AFAP1L2: variants seen among roughly 807,000 people sequenced by gnomAD.
AFAP1L2 encodes actin filament associated protein 1 like 2, also known as actin filament-associated protein 1-like 2.
Under a neutral mutation model 99.3 loss-of-function variants are expected in AFAP1L2, and 46 were observed. The observed-to-expected ratio is 0.46, with a 90% CI of 0.37 to 0.59. The LOEUF is 0.59. Among genes scored for constraint, AFAP1L2 ranks in the 20% least tolerant of loss-of-function variants. AFAP1L2 has a pLI of 0.00. For missense variants in AFAP1L2, 959 were observed against 1,034.9 expected, an observed-to-expected ratio of 0.93 and a Z score of 1.01; for synonymous variants, 397 against 419.1, an observed-to-expected ratio of 0.95 and a Z score of 0.64.
At chr10:114,315,305 G>C (rs920275157) in intron 6 of AFAP1L2, among the ~76,000 whole-genome samples, 1 of 152,166 alleles carries the variant, frequency 6.6e-6, no homozygotes. Context: ...GGATGGGGAT[G>C]GGGGAGGCGG....
chr10:114,358,983 A>G (rs369253127), intron 1 of AFAP1L2, among the ~76,000 whole-genome samples: 14 of 152,218 alleles, frequency 9.2e-5, no homozygotes, highest in African/African-American at 2.9e-4. Context: ...CTGTTCGCCT[A>G]GATTCGTATA....
chr10:114,384,587 T>C (rs2056249897), intron 1 of AFAP1L2, among the ~76,000 whole-genome samples: 1 of 152,218 alleles, frequency 6.6e-6, no homozygotes, highest in South Asian at 2.1e-4. Context: ...CCTTCCAAAT[T>C]TTAAGAAACA....
downstream of AFAP1L2, chr10:114,294,808 A>C (rs138603987): frequency 3.3e-5 from 32 of 983,094 alleles, no homozygotes; most frequent in African/African-American, 5.2e-4. Flanking sequence ...AAGTCATTTC[A>C]TGAACTGAGG....
At chr10:114,289,633 A>G in the AFAP1L2 span, 4 of 873,030 alleles carry the variant, frequency 4.6e-6, no homozygotes, top group African/African-American at 1.7e-5. Context: ...GCTAAACCCC[A>G]TGCTCACATA....
At chr10:114,307,764 G>C (rs1388709905) in intron 10 of AFAP1L2, 41 bp downstream of exon 10, 2 of 1,570,914 alleles carry the variant, frequency 1.3e-6, no homozygotes, top group Non-Finnish European at 8.8e-7. Context: ...TTCCAGCCCA[G>C]GAAATGAGCC....
chr10:114,285,103 T>G, the AFAP1L2 span: 1 of 637,060 alleles, frequency 1.6e-6, no homozygotes, highest in Non-Finnish European at 2.5e-6. Context: ...AATGCACCAC[T>G]GGTCTGCAGT....
chr10:114,310,148 A>G (rs910559563), intron 8 of AFAP1L2, among the ~76,000 whole-genome samples: 18 of 152,094 alleles, frequency 1.2e-4, no homozygotes, highest in African/African-American at 4.3e-4. Context: ...GCTGGTCTCA[A>G]ATCCCTGACT....
intron 1 of AFAP1L2, among the ~76,000 whole-genome samples, chr10:114,386,961 T>A (rs140748050): frequency 1.3e-4 from 20 of 152,278 alleles, no homozygotes; most frequent in African/African-American, 4.8e-4. Flanking sequence ...CCTGACTGAA[T>A]CCCTTACTGA....
At chr10:114,323,320 GA>G (rs2045688737) in intron 4 of AFAP1L2, 59 bp from the exon 5 acceptor site, 19 of 1,448,826 alleles carry the variant, frequency 1.3e-5, no homozygotes, top group Non-Finnish European at 1.8e-5. Context: ...GAGCAACTTG[GA>G]AATAACTCTT....
At position 114,296,008 on chromosome 10, in the gene AFAP1L2, A is replaced by G. The variant is rs774312882; in HGVS notation, c.*34T>C. On this transcript the variant is annotated 3_prime_UTR_variant, in exon 19 of 19. Transcript: ENST00000304129. ...AAGCAGGATTGTCACCAAGGTCCAC[A>G]TTGACATGAGAGTCTTTAGATGAAG... is the stretch of plus-strand genomic sequence containing the variant. 1.6e-5 allele frequency: 26 copies of G among 1,614,004 alleles called. No individual in the cohort carries two copies. Among genetic ancestry groups the G allele is most frequent in the East Asian group, 4.5e-5 (2 of 44,890 alleles).
intron 1 of AFAP1L2, among the ~76,000 whole-genome samples, chr10:114,393,116 G>C (rs1016957320): frequency 2.0e-5 from 3 of 152,130 alleles, no homozygotes; most frequent in African/African-American, 7.2e-5. Flanking sequence ...GGAGCACCCC[G>C]TATCCTCTGA....
intron 1 of AFAP1L2, among the ~76,000 whole-genome samples, chr10:114,371,780 G>A (rs1236961695): frequency 7.1e-6 from 1 of 141,312 alleles, no homozygotes; most frequent in African/African-American, 2.6e-5. Flanking sequence ...TGCATGTTCT[G>A]CACATGTATC....
intron 5 of AFAP1L2, among the ~76,000 whole-genome samples, chr10:114,318,759 G>GAAAAAAAGAAAAA (rs1554894566): frequency 8.4e-6 from 1 of 119,704 alleles, no homozygotes; most frequent in Admixed American, 8.0e-5. Context: ...AAAAAAAAAA[G>GAAAAAAAGAAAAA]AACAACAAAT....
the AFAP1L2 span, among the ~76,000 whole-genome samples, chr10:114,282,235 C>G: frequency 0.023 from 3,563 of 152,178 alleles, 135 homozygotes; most frequent in African/African-American, 0.08. Context: ...AACTCCTGAC[C>G]TCAAGTGATT....
intron 2 of AFAP1L2, among the ~76,000 whole-genome samples, chr10:114,338,671 T>A (rs143068407): frequency 1.2e-4 from 19 of 152,290 alleles, no homozygotes; most frequent in African/African-American, 3.1e-4. Context: ...AGACATACAG[T>A]ACACATCGTA....
At chr10:114,355,896 C>T (rs553950652) in intron 1 of AFAP1L2, among the ~76,000 whole-genome samples, 1 of 152,060 alleles carries the variant, frequency 6.6e-6, no homozygotes, top group Admixed American at 6.5e-5. Flanking sequence ...GAATCTGAGC[C>T]CAGGAGGTCG....
chr10:114,290,135 A>C (rs2039422735), downstream of AFAP1L2: 43 of 1,450,720 alleles, frequency 3.0e-5, 1 homozygote, highest in South Asian at 4.9e-4. Flanking sequence ...AAAGGGAGAC[A>C]TGACTCTAGT....
chr10:114,382,680 C>G (rs2055850586), intron 1 of AFAP1L2, among the ~76,000 whole-genome samples: 1 of 147,566 alleles, frequency 6.8e-6, no homozygotes, highest in Non-Finnish European at 1.5e-5. Flanking sequence ...TGCCCAACCT[C>G]TGCCTCCTGG....
At chr10:114,341,314 G>A (rs2048793426) in intron 1 of AFAP1L2, among the ~76,000 whole-genome samples, 1 of 152,192 alleles carries the variant, frequency 6.6e-6, no homozygotes, top group African/African-American at 2.4e-5. Context: ...GGTTGTCCAT[G>A]ATTAAAAGCC....
Sources: gnomAD v4.1 joint callset for allele counts (sites outside exome capture counted in the v4.1 genomes callset) on GRCh38, gnomAD v4.1.1 for gene constraint, MANE v1.5 for transcripts, NCBI Gene and HGNC (gene_info 2026-07-23, HGNC 2026-07-21) for gene names.